CACNG6: variants seen among roughly 807,000 people sequenced by gnomAD.
CACNG6 encodes calcium voltage-gated channel auxiliary subunit gamma 6.
CACNG6 carries 21 observed loss-of-function variants against 23.9 expected under a neutral mutation model. The ratio of observed to expected loss-of-function variants is 0.88; its 90% CI spans 0.62 to 1.26. The LOEUF is 1.26. CACNG6 is among the 50% of genes most tolerant of loss of function. The pLI is 0.00. For synonymous variants in CACNG6, 182 were observed against 168.9 expected, an observed-to-expected ratio of 1.08 and a Z score of -0.60; for missense variants, 340 against 352.9, an observed-to-expected ratio of 0.96 and a Z score of 0.29.
intron 3 of CACNG6, among the ~76,000 whole-genome samples, chr19:54,004,830 A>T (rs1466952105): frequency 6.6e-6 from 1 of 152,096 alleles, no homozygotes; most frequent in Non-Finnish European, 1.5e-5. Flanking sequence ...GTCAAATGTC[A>T]CCACCTCAGA....
At chr19:53,993,336 A>C in intron 1 of CACNG6, 128 bp downstream of exon 1, 1 of 886,074 alleles carries the variant, frequency 1.1e-6, no homozygotes, top group Non-Finnish European at 1.7e-6. Flanking sequence ...CTTGCCTCGC[A>C]GTAAGCGCCA....
At chr19:54,006,528 T>C (rs912718111) in intron 3 of CACNG6, among the ~76,000 whole-genome samples, 2 of 140,514 alleles carry the variant, frequency 1.4e-5, no homozygotes, top group South Asian at 4.7e-4. Flanking sequence ...TTTTCTTTTT[T>C]TTTTTTTTTT....
At chr19:54,010,016 G>C (rs112970448) in intron 3 of CACNG6, among the ~76,000 whole-genome samples, 18,098 of 144,558 alleles carry the variant, frequency 0.13, 2,872 homozygotes, top group African/African-American at 0.36. Context: ...TAAAAAACTT[G>C]CATGGAGACT....
At chr19:53,998,186 T>G in intron 1 of CACNG6, 53 bp from the exon 2 acceptor site, 1 of 1,515,342 alleles carries the variant, frequency 6.6e-7, no homozygotes, top group South Asian at 1.1e-5. Context: ...GCCCTGAGCT[T>G]ACGCAAGGGA....
rs1327165510 is a variant in CACNG6 at position 53,998,282 on chromosome 19, T to C, written c.375T>C (p.Asn125=). The stretch of plus-strand genomic sequence containing the variant: ...TTAAATTCTTCACCACGGGGGAGAA[T>C]GCACGCATCTTTCAGAGAACCACAA... ...TYFKFFTTGE[N]ARIFQRTTKK... Residue 125 remains asparagine (N), a synonymous_variant, in exon 2 of 4, where the codon AAT becomes AAC. Transcript: ENST00000252729. 6.2e-7 allele frequency: 1 copy of C among 1,614,070 alleles called. No individual in the cohort carries two copies. The highest frequency in any genetic ancestry group is 8.5e-7 in the Non-Finnish European group (1 of 1,179,980).
At chr19:54,004,023 T>C (rs2069607708) in intron 3 of CACNG6, among the ~76,000 whole-genome samples, 1 of 152,138 alleles carries the variant, frequency 6.6e-6, no homozygotes, top group Non-Finnish European at 1.5e-5. Context: ...TCTGGGCTAA[T>C]TTTTAAAATT....
At chr19:53,998,925 A>C (rs2069548719) in intron 2 of CACNG6, among the ~76,000 whole-genome samples, 1 of 152,178 alleles carries the variant, frequency 6.6e-6, no homozygotes, top group Non-Finnish European at 1.5e-5. Flanking sequence ...GCAGGCATCA[A>C]GTACTGACCA....
intron 3 of CACNG6, among the ~76,000 whole-genome samples, chr19:54,004,654 C>T (rs1326928845): frequency 6.6e-6 from 1 of 152,178 alleles, no homozygotes; most frequent in East Asian, 1.9e-4. Context: ...GACTCCCTCT[C>T]CTGCCACCTG....
chr19:53,999,820 C>T (rs1424713901), intron 3 of CACNG6, 49 bp downstream of exon 3: 1 of 1,600,450 alleles, frequency 6.2e-7, no homozygotes, highest in Non-Finnish European at 8.5e-7. Context: ...CTGGGAGGAT[C>T]TCCAGGCACT....
In CACNG6 at chr19:53,999,676, C is replaced by T. The variant is rs758453533; in HGVS notation, c.449C>T (p.Ala150Val). The T allele has an allele frequency of 2.3e-5, 37 of 1,613,898 alleles. No homozygotes were observed. The highest frequency in any genetic ancestry group is 2.9e-5 in the Non-Finnish European group (34 of 1,180,024). ...AAAVIAVLGL[A>V]VMALGCLCII... ...GCGGTGATAGCAGTGCTGGGCCTGG[C>T]AGTCATGGCCTTGGGGTGCCTCTGT... The change falls in exon 3 of 4, where the codon GCA becomes GTA. Residue 150 changes from alanine to valine, a missense_variant. By Grantham distance (64) the Ala-to-Val change is moderately conservative. Transcript: ENST00000252729.
intron 3 of CACNG6, among the ~76,000 whole-genome samples, chr19:54,010,043 T>TC (rs1555819610): frequency 7.5e-5 from 11 of 146,860 alleles, no homozygotes; most frequent in South Asian, 6.4e-4. Flanking sequence ...TTTCTTTCTT[T>TC]TTTTTTTTTT....
chr19:53,994,000 C>G (rs1042549357), intron 1 of CACNG6, among the ~76,000 whole-genome samples: 6 of 152,050 alleles, frequency 3.9e-5, no homozygotes, highest in Non-Finnish European at 7.4e-5. Context: ...TGTGCCCACC[C>G]CAGACAGCCT....
At chr19:54,009,888 C>G (rs546275019) in intron 3 of CACNG6, among the ~76,000 whole-genome samples, 2 of 150,300 alleles carry the variant, frequency 1.3e-5, no homozygotes, top group African/African-American at 4.9e-5. Flanking sequence ...ATTGCCACTG[C>G]ACTCCAGCCT....
chr19:54,000,328 A>G (rs1355236747), intron 3 of CACNG6, among the ~76,000 whole-genome samples: 1 of 152,190 alleles, frequency 6.6e-6, no homozygotes, highest in Admixed American at 6.5e-5. Context: ...CCCAGGGGCT[A>G]TAGCAGGCTC....
chr19:54,002,090 T>TC (rs1481571840), intron 3 of CACNG6, among the ~76,000 whole-genome samples: 2 of 145,964 alleles, frequency 1.4e-5, no homozygotes, highest in Non-Finnish European at 3.0e-5. Flanking sequence ...TATCTCTCTC[T>TC]TTTTTTTTTG....
Position 53,999,714 on chromosome 19 carries a change from C to G in CACNG6, c.487C>G (p.Leu163Val), listed in dbSNP as rs61737876. ...ALGCLCIIMVLSKGAEFLLRV... is the reference protein window; with the variant it reads ...ALGCLCIIMVVSKGAEFLLRV... ...GGGGTGCCTCTGTATCATCATGGTGCTCAGTAAAGGTGCAGAGTTCCTGCT... is the reference window on the plus strand; with the variant it reads ...GGGGTGCCTCTGTATCATCATGGTGGTCAGTAAAGGTGCAGAGTTCCTGCT... The change falls in exon 3 of 4, where the codon CTC becomes GTC. Residue 163 changes from leucine (L) to valine (V), a missense_variant. Coordinates refer to ENST00000252729, the MANE Select transcript of CACNG6 (RefSeq NM_145814.2). 119 of 1,613,984 alleles carry G rather than the reference C, an allele frequency of 7.4e-5. No homozygotes were observed. The highest frequency in any genetic ancestry group is 6.6e-4 in the Middle Eastern group (4 of 6,084).
intron 3 of CACNG6, among the ~76,000 whole-genome samples, chr19:54,000,222 G>A (rs1293132101): frequency 6.6e-6 from 1 of 152,208 alleles, no homozygotes; most frequent in Non-Finnish European, 1.5e-5. Flanking sequence ...ATTGGAAGCT[G>A]TCCAAACGCT....
At chr19:53,997,440 G>A (rs891763738) in intron 1 of CACNG6, among the ~76,000 whole-genome samples, 4 of 149,140 alleles carry the variant, frequency 2.7e-5, no homozygotes, top group African/African-American at 4.9e-5. Flanking sequence ...TTTTTTTTCT[G>A]GAGTTATACC....
At chr19:53,996,478 T>C (rs1251777858) in intron 1 of CACNG6, among the ~76,000 whole-genome samples, 1 of 151,860 alleles carries the variant, frequency 6.6e-6, no homozygotes, top group Non-Finnish European at 1.5e-5. Flanking sequence ...CTGCAACCTC[T>C]GCTTCCCGGG....
Sources: gnomAD v4.1 joint callset for allele counts (sites outside exome capture counted in the v4.1 genomes callset) on GRCh38, gnomAD v4.1.1 for gene constraint, MANE v1.5 for transcripts, NCBI Gene and HGNC (gene_info 2026-07-23, HGNC 2026-07-21) for gene names.